HDAC9: variants seen among roughly 807,000 people sequenced by gnomAD.
The protein encoded by HDAC9 is histone deacetylase 9.
In HDAC9, 41 loss-of-function variants were observed where a neutral mutation model predicts 139.4. The ratio of observed to expected loss-of-function variants is 0.29; its 90% CI spans 0.23 to 0.38. The LOEUF (loss-of-function observed/expected upper bound fraction) is 0.38, where lower values mean the gene tolerates loss of function less well. HDAC9 is among the 10% of genes least tolerant of loss of function. The pLI, the probability that HDAC9 is intolerant of heterozygous loss-of-function variation, is 1.00. For missense variants in HDAC9, 1,147 were observed against 1,297.0 expected, an observed-to-expected ratio of 0.88 and a Z score of 1.78; for synonymous variants, 517 against 476.2, an observed-to-expected ratio of 1.09 and a Z score of -1.12.
At chr7:18,486,832 C>A (rs1796009438) in intron 1 of HDAC9, among the ~76,000 whole-genome samples, 1 of 151,934 alleles carries the variant, frequency 6.6e-6, no homozygotes, top group Admixed American at 6.6e-5. Context: ...AATGATAATG[C>A]AGAAGATGGT....
intron 22 of HDAC9, among the ~76,000 whole-genome samples, chr7:18,927,953 G>A (rs1008692307): frequency 2.0e-5 from 3 of 152,116 alleles, no homozygotes; most frequent in African/African-American, 7.2e-5. Context: ...TCATGAATGG[G>A]AGACTGGCAT....
At chr7:18,252,284 C>T (rs370463376) in intron 2 of HDAC9, among the ~76,000 whole-genome samples, 11 of 152,256 alleles carry the variant, frequency 7.2e-5, no homozygotes, top group African/African-American at 2.6e-4. Context: ...CAGGAATGGC[C>T]TGGAGAACTA....
intron 22 of HDAC9, among the ~76,000 whole-genome samples, chr7:18,884,401 T>C (rs1166406618): frequency 2.6e-5 from 4 of 152,122 alleles, no homozygotes; most frequent in African/African-American, 4.8e-5. Context: ...CCATACACCA[T>C]GGTCAATTGA....
Position 18,829,521 on chromosome 7 carries a change from T to C in HDAC9, c.2439T>C (p.Asn813=). The C allele has an allele frequency of 6.2e-7, 1 of 1,609,502 alleles. No individual in the cohort carries two copies. Among genetic ancestry groups the C allele is most frequent in the South Asian group, 1.1e-5 (1 of 90,852 alleles). ...CCAAATACTTGAGAGACCAACTAAA[T>C]ATAAGCAAGATATTGATTGTAGATC... ...ITAKYLRDQL[N]ISKILIVDLD... Residue 813 remains asparagine, a synonymous_variant, in exon 19 of 26, where the codon AAT becomes AAC. Coordinates refer to ENST00000686413, the MANE Select transcript of HDAC9 (RefSeq NM_178425.4).
At chr7:18,616,641 G>A (rs1414152382) in intron 6 of HDAC9, among the ~76,000 whole-genome samples, 1 of 152,162 alleles carries the variant, frequency 6.6e-6, no homozygotes, top group East Asian at 1.9e-4. Flanking sequence ...AACCATAAAG[G>A]TTGTCTAAAG....
chr7:18,623,956 C>T (rs10265445), intron 6 of HDAC9, among the ~76,000 whole-genome samples: 12,680 of 152,090 alleles, frequency 0.083, 895 homozygotes, highest in African/African-American at 0.2. Context: ...GTAAAAAAAG[C>T]ATTGGGATGA....
At chr7:18,458,314 G>A (rs1181300671) in intron 1 of HDAC9, among the ~76,000 whole-genome samples, 2 of 152,146 alleles carry the variant, frequency 1.3e-5, no homozygotes, top group African/African-American at 4.8e-5. Context: ...TTTAGGCTTG[G>A]TAACTTAGAT....
chr7:18,961,151 G>T (rs1428923838), intron 24 of HDAC9, among the ~76,000 whole-genome samples: 1 of 152,202 alleles, frequency 6.6e-6, no homozygotes, highest in East Asian at 1.9e-4. Context: ...AGATCCAGGG[G>T]AGAAGGACAA....
At chr7:18,561,520 C>A (rs1244731226) in intron 2 of HDAC9, among the ~76,000 whole-genome samples, 4 of 152,130 alleles carry the variant, frequency 2.6e-5, no homozygotes, top group Admixed American at 6.6e-5. Context: ...GGTTGTGCAA[C>A]CATCACCACA....
chr7:18,392,821 G>A (rs1248135087), intron 1 of HDAC9, among the ~76,000 whole-genome samples: 1 of 145,356 alleles, frequency 6.9e-6, no homozygotes, highest in African/African-American at 2.5e-5. Flanking sequence ...GGAAGCAGCT[G>A]AATATACTTT....
At chr7:18,814,690 T>G (rs1240289873) in intron 17 of HDAC9, among the ~76,000 whole-genome samples, 1 of 152,232 alleles carries the variant, frequency 6.6e-6, no homozygotes, top group Admixed American at 6.5e-5. Flanking sequence ...TAATTTAATT[T>G]CTGTGGTCAA....
At chr7:18,283,567 T>C (rs1797242382) in intron 2 of HDAC9, among the ~76,000 whole-genome samples, 1 of 152,236 alleles carries the variant, frequency 6.6e-6, no homozygotes, top group Non-Finnish European at 1.5e-5. Context: ...TATCATTCTT[T>C]TTTGCATAAT....
chr7:18,963,326 A>T (rs974176942), intron 24 of HDAC9, among the ~76,000 whole-genome samples: 4 of 152,066 alleles, frequency 2.6e-5, no homozygotes, highest in Non-Finnish European at 4.4e-5. Context: ...ATCTTTGTCC[A>T]CTCCTGGGTT....
At chr7:18,576,387 C>A (rs1399241454) in intron 2 of HDAC9, among the ~76,000 whole-genome samples, 1 of 152,044 alleles carries the variant, frequency 6.6e-6, no homozygotes, top group Admixed American at 6.6e-5. Context: ...AGGGGCCAGT[C>A]GGGCTGACTC....
intron 2 of HDAC9, among the ~76,000 whole-genome samples, chr7:18,528,400 A>G (rs1024500770): frequency 6.6e-6 from 1 of 152,274 alleles, no homozygotes. Flanking sequence ...AAAATTAGGT[A>G]AAATGATATA....
chr7:18,165,790 C>A (rs1338860103), intron 2 of HDAC9, among the ~76,000 whole-genome samples: 28 of 147,580 alleles, frequency 1.9e-4, no homozygotes, highest in Admixed American at 6.7e-4. Context: ...CAGAGCAAGA[C>A]CCTGTCTCAA....
chr7:18,667,873 CT>C (rs1164290556), intron 12 of HDAC9: 1 of 983,080 alleles, frequency 1.0e-6, no homozygotes. Context: ...TATAGGTTTA[CT>C]TTTGTTAAGC....
At position 18,427,700 on chromosome 7, in the gene HDAC9, C is replaced by CTTT. The variant is rs1248522301; in HGVS notation, c.-41-68551_-41-68549dup. Among the ~76,000 whole-genome samples, 23 of 143,952 alleles carry CTTT rather than the reference C, an allele frequency of 1.6e-4. 1 individual carries two copies. The South Asian group carries it at 5.1e-3, about 32-fold the overall frequency. 94.4% of individuals were successfully genotyped at this position (143,952 alleles called of 152,430 possible). A position where few individuals can be genotyped will look rare whatever the true frequency, so the allele number is the denominator to read the frequency against. On this transcript the variant is annotated intron_variant, in intron 1 of 3. Transcript: ENST00000413509. ...CCCTGGACACAGTTTCTTTCTTCTT[C>CTTT]TTTTTTTTTTTTTAAATATTTTCTT...
intron 1 of HDAC9, among the ~76,000 whole-genome samples, chr7:18,333,247 G>A (rs1263348294): frequency 6.6e-6 from 1 of 151,406 alleles, no homozygotes; most frequent in African/African-American, 2.4e-5. Context: ...ACCATTGGAT[G>A]GGGTGAAGTT....
Sources: gnomAD v4.1 joint callset for allele counts (sites outside exome capture counted in the v4.1 genomes callset) on GRCh38, gnomAD v4.1.1 for gene constraint, MANE v1.5 for transcripts, NCBI Gene and HGNC (gene_info 2026-07-23, HGNC 2026-07-21) for gene names.